CNKSR3: variants seen among roughly 807,000 people sequenced by gnomAD.
CNKSR3 encodes connector enhancer of kinase suppressor of ras 3.
In CNKSR3, 36 loss-of-function variants were observed where a neutral mutation model predicts 67.7. That is an observed-to-expected ratio of 0.53 (90% CI 0.41 to 0.70). The LOEUF (loss-of-function observed/expected upper bound fraction) is 0.70, where lower values mean the gene tolerates loss of function less well. Ranked by LOEUF, CNKSR3 falls within the 30% of genes least tolerant of loss-of-function variation. CNKSR3 has a pLI of 0.00. For synonymous variants in CNKSR3, 281 were observed against 271.4 expected, an observed-to-expected ratio of 1.04 and a Z score of -0.35; for missense variants, 630 against 695.2, an observed-to-expected ratio of 0.91 and a Z score of 1.05.
rs116220828 is a variant in CNKSR3 at position 154,455,030 on chromosome 6, C to A, written c.53-4772G>T. On this transcript the variant is annotated intron_variant, in intron 1 of 12. Coordinates refer to ENST00000607772, the MANE Select transcript of CNKSR3 (RefSeq NM_173515.4). ...GCATCACAAAAGCAGTGACTTTGGACGGGCACAGTGGCTCACATCTGTAAT... is the reference window on the plus strand; with the variant it reads ...GCATCACAAAAGCAGTGACTTTGGAAGGGCACAGTGGCTCACATCTGTAAT... 6.2e-3 allele frequency among the ~76,000 whole-genome samples: 937 copies of A among 151,730 alleles called. 7 individuals are homozygous for A. The highest frequency in any genetic ancestry group is 0.021 in the African/African-American group (873 of 41,356).
Position 154,401,907 on chromosome 6 carries a change from A to G in CNKSR3, c.*4447T>C, listed in dbSNP as rs1261871979. 4 of 152,190 alleles carry G rather than the reference A, an allele frequency of 2.6e-5. No individual in the cohort carries two copies. Among genetic ancestry groups the G allele is most frequent in the African/African-American group, 9.7e-5 (4 of 41,448 alleles). 9.4% of individuals were successfully genotyped at this position (152,190 alleles called of 1,614,324 possible). On this transcript the variant is annotated 3_prime_UTR_variant, in exon 13 of 13. Coordinates refer to ENST00000607772, the MANE Select transcript of CNKSR3 (RefSeq NM_173515.4). The stretch of plus-strand genomic sequence containing the variant: ...TTTGGCGGATGAAAAGTTTTGTGTC[A>G]ATACCTCAGGGTTTGCTGCAATACT...
chr6:154,410,784 G>A lies in CNKSR3; in HGVS notation c.1279+150C>T, dbSNP rs148120176. The A allele has an allele frequency of 1.6e-3, 1,048 of 643,776 alleles. 7 individuals carry two copies. The African/African-American group carries it at 0.017, about 10-fold the overall frequency. 39.9% of individuals were successfully genotyped at this position (643,776 alleles called of 1,614,324 possible). Reference sequence around the variant, plus strand: ...GATCCGCTTGACAGAGATGAATAAAGGTCTCATACTTAGAATTTCATTGAG... The same window carrying A: ...GATCCGCTTGACAGAGATGAATAAAAGTCTCATACTTAGAATTTCATTGAG... On this transcript the variant is annotated intron_variant, in intron 11 of 12. Transcript: ENST00000607772.
intron 1 of CNKSR3, among the ~76,000 whole-genome samples, chr6:154,473,096 T>C (rs908714017): frequency 1.3e-5 from 2 of 152,202 alleles, no homozygotes; most frequent in Non-Finnish European, 1.5e-5. Flanking sequence ...GAACCCTCCG[T>C]GATCACCATG....
At chr6:154,429,599 GCTCA>G (rs1417642728) in intron 6 of CNKSR3, among the ~76,000 whole-genome samples, 6 of 152,084 alleles carry the variant, frequency 3.9e-5, no homozygotes, top group Admixed American at 6.6e-5. Context: ...GCATTTTTCT[GCTCA>G]CTAAGAATGT....
intron 1 of CNKSR3, among the ~76,000 whole-genome samples, chr6:154,494,482 A>T (rs1206502984): frequency 6.6e-6 from 1 of 152,268 alleles, no homozygotes; most frequent in African/African-American, 2.4e-5. Flanking sequence ...ATGAGAAATT[A>T]GCAAGTTTTA....
chr6:154,497,537 G>A (rs1208278491), intron 1 of CNKSR3, among the ~76,000 whole-genome samples: 1 of 152,080 alleles, frequency 6.6e-6, no homozygotes, highest in African/African-American at 2.4e-5. Context: ...CAGAGTAATT[G>A]GTACAAAAAA....
At chr6:154,480,897 TCTTATG>T (rs1310765227) in intron 1 of CNKSR3, among the ~76,000 whole-genome samples, 29 of 152,252 alleles carry the variant, frequency 1.9e-4, no homozygotes, top group Non-Finnish European at 3.5e-4. Context: ...TTGATAGCAG[TCTTATG>T]CTTATTTGAT....
At position 154,428,784 on chromosome 6, in the gene CNKSR3, G is replaced by A. The variant is rs148201864; in HGVS notation, c.670-597C>T. Among the ~76,000 whole-genome samples, 450 of 152,076 alleles carry A rather than the reference G, an allele frequency of 3.0e-3. 1 individual carries two copies. The highest frequency in any genetic ancestry group is 5.5e-3 in the Non-Finnish European group (371 of 68,000). On this transcript the variant is annotated intron_variant, in intron 6 of 12. Coordinates refer to ENST00000607772, the MANE Select transcript of CNKSR3 (RefSeq NM_173515.4). Reference sequence around the variant, plus strand: ...GATCCTCCCATCTCGGCCTCCCAAAGTGCTGGGATTATAGGTGTAAGCCAC... The same window carrying A: ...GATCCTCCCATCTCGGCCTCCCAAAATGCTGGGATTATAGGTGTAAGCCAC...
intron 1 of CNKSR3, among the ~76,000 whole-genome samples, chr6:154,489,079 T>C (rs1376611337): frequency 6.6e-6 from 1 of 152,106 alleles, no homozygotes; most frequent in Admixed American, 6.6e-5. Context: ...TCAATTCCCA[T>C]TCATTTCAAG....
intron 9 of CNKSR3, 93 bp from the exon 10 acceptor site, chr6:154,414,516 C>A: frequency 7.4e-7 from 1 of 1,348,290 alleles, no homozygotes; most frequent in Admixed American, 1.9e-5. Flanking sequence ...CCAACACCAA[C>A]CCCGTGTCTG....
chr6:154,407,894 A>AAC (rs1784835448), intron 12 of CNKSR3, among the ~76,000 whole-genome samples: 1 of 150,742 alleles, frequency 6.6e-6, no homozygotes, highest in Admixed American at 6.6e-5. Context: ...AAAAAAAAAA[A>AAC]ACCTAAATTT....
At chr6:154,430,627 A>G (rs1313410118) in intron 5 of CNKSR3, 36 bp from the exon 6 acceptor site, 3 of 1,580,968 alleles carry the variant, frequency 1.9e-6, no homozygotes, top group Non-Finnish European at 1.7e-6. Flanking sequence ...GGAAAGTTCA[A>G]TCATTAACCA....
chr6:154,416,398 C>A (rs73011467), intron 9 of CNKSR3, among the ~76,000 whole-genome samples: 6,914 of 152,244 alleles, frequency 0.045, 215 homozygotes, highest in African/African-American at 0.074. Flanking sequence ...TCTATCAATT[C>A]TACTCAATTT....
chr6:154,461,384 T>C (rs576166969), intron 1 of CNKSR3, among the ~76,000 whole-genome samples: 92 of 152,292 alleles, frequency 6.0e-4, no homozygotes, highest in African/African-American at 1.9e-3. Flanking sequence ...ACGGGATGCA[T>C]TGTGGAAATG....
intron 1 of CNKSR3, among the ~76,000 whole-genome samples, chr6:154,468,199 C>T (rs1377051353): frequency 6.6e-6 from 1 of 151,024 alleles, no homozygotes; most frequent in African/African-American, 2.4e-5. Flanking sequence ...GCCTCAGCCT[C>T]CTCCCAAGCA....
chr6:154,498,338 T>A (rs1786918038), intron 1 of CNKSR3, among the ~76,000 whole-genome samples: 1 of 150,078 alleles, frequency 6.7e-6, no homozygotes, highest in African/African-American at 2.5e-5. Context: ...TAGATATGTT[T>A]TGTTTGGTCT....
intron 4 of CNKSR3, among the ~76,000 whole-genome samples, chr6:154,438,219 A>ATTT (rs1183113397): frequency 3.3e-5 from 5 of 152,116 alleles, no homozygotes; most frequent in Non-Finnish European, 7.4e-5. Flanking sequence ...TGATTTTTAT[A>ATTT]AATAAAATTT....
At position 154,400,101 on chromosome 6, in the gene CNKSR3, T is replaced by G. The variant is rs2128709114; in HGVS notation, c.*6253A>C. The G allele has an allele frequency of 6.6e-6, 1 of 152,262 alleles. No homozygotes were observed. Among genetic ancestry groups the G allele is most frequent in the South Asian group, 2.1e-4 (1 of 4,810 alleles). 9.4% of individuals were successfully genotyped at this position (152,262 alleles called of 1,614,324 possible). On this transcript the variant is annotated 3_prime_UTR_variant, in exon 13 of 13. Coordinates refer to ENST00000607772, the MANE Select transcript of CNKSR3 (RefSeq NM_173515.4). ...ATACCTTTGAGGTTTATTTCTTAAT[T>G]TTTTTCCTCCAACTTCAGTTTCACA... is the stretch of plus-strand genomic sequence containing the variant.
chr6:154,496,836 T>C (rs1255879358), intron 1 of CNKSR3, among the ~76,000 whole-genome samples: 1 of 152,170 alleles, frequency 6.6e-6, no homozygotes, highest in Non-Finnish European at 1.5e-5. Flanking sequence ...ATGTAAATGT[T>C]TTTCCCTCAT....
Sources: allele counts gnomAD v4.1 joint callset (sites outside exome capture counted in the v4.1 genomes callset), GRCh38; gene constraint gnomAD v4.1.1; transcripts MANE v1.5; gene names NCBI Gene and HGNC (gene_info 2026-07-23, HGNC 2026-07-21).